ARPC2: variants seen among roughly 807,000 people sequenced by gnomAD.
The protein encoded by ARPC2 is actin related protein 2/3 complex subunit 2.
In ARPC2, 4 loss-of-function variants were observed where a neutral mutation model predicts 38.6. The ratio of observed to expected loss-of-function variants is 0.10; its 90% confidence interval spans 0.05 to 0.24. The LOEUF is 0.24. Among genes scored for constraint, ARPC2 ranks in the 10% least tolerant of loss-of-function variants. The pLI is 1.00. For synonymous variants in ARPC2, 125 were observed against 140.8 expected, an observed-to-expected ratio of 0.89 and a Z score of 0.79; for missense variants, 229 against 387.3, an observed-to-expected ratio of 0.59 and a Z score of 3.43.
chr2:218,249,283 T>TCGCC, intron 8 of ARPC2, 81 bp from the exon 9 acceptor site: 1 of 902,808 alleles, frequency 1.1e-6, no homozygotes, highest in Admixed American at 2.3e-5. Context: ...GAGGGAGTGA[T>TCGCC]GTTCACTAGG....
intron 7 of ARPC2, 133 bp from the exon 8 acceptor site, chr2:218,245,287 G>A (rs751174466): frequency 1.9e-5 from 21 of 1,100,298 alleles, no homozygotes; most frequent in Non-Finnish European, 2.8e-5. Context: ...CAGGTTTGGT[G>A]TAGTTTATTT....
At chr2:218,239,555 G>A (rs1689859116) in intron 7 of ARPC2, 71 bp downstream of exon 7, 3 of 1,261,760 alleles carry the variant, frequency 2.4e-6, no homozygotes, top group South Asian at 2.5e-5. Flanking sequence ...CATACCATGA[G>A]CGTAGGAAAG....
chr2:218,233,745 C>T (rs1343561879), intron 4 of ARPC2: 1 of 152,052 alleles, frequency 6.6e-6, no homozygotes, highest in African/African-American at 2.4e-5. Context: ...TCTGTTCTCT[C>T]ACTTGGAATT....
chr2:218,252,044 A>G (rs1268163122), intron 10 of ARPC2, among the ~76,000 whole-genome samples: 5 of 152,086 alleles, frequency 3.3e-5, no homozygotes, highest in Non-Finnish European at 5.9e-5. Flanking sequence ...ACCAACATGG[A>G]GAAACCCCAT....
At chr2:218,251,150 T>A (rs1412820708) in intron 10 of ARPC2, among the ~76,000 whole-genome samples, 2 of 152,142 alleles carry the variant, frequency 1.3e-5, no homozygotes, top group African/African-American at 2.4e-5. Context: ...TAAGCCTCCC[T>A]CACAGCCAGT....
rs895228160 is a variant in ARPC2 at position 218,234,738 on chromosome 2, C to T, written c.268+341C>T. 1.1e-5 allele frequency: 5 copies of T among 471,082 alleles called. No homozygotes were observed. In the East Asian group the frequency reaches 3.0e-4, roughly 28 times the overall value. 29.2% of individuals were successfully genotyped at this position (471,082 alleles called of 1,614,324 possible). ...AGAATGAGCAAACATTGATTCCCAC[C>T]CTCGGCCCTTAGTAATTCTGCATAC... is the stretch of plus-strand genomic sequence containing the variant. On this transcript the variant is annotated intron_variant, in intron 5 of 10. Transcript: ENST00000315717.
intron 3 of ARPC2, chr2:218,227,050 A>G (rs1559476409): frequency 2.2e-6 from 1 of 456,446 alleles, no homozygotes; most frequent in South Asian, 1.5e-5. Flanking sequence ...GTCCTCGACA[A>G]GATGATCTTG....
At chr2:218,240,265 T>C (rs555418585) in intron 7 of ARPC2, among the ~76,000 whole-genome samples, 118 of 152,318 alleles carry the variant, frequency 7.7e-4, no homozygotes, top group Non-Finnish European at 1.6e-3. Flanking sequence ...ATATTTTTTT[T>C]CTCAGTGGTT....
chr2:218,251,635 T>C (rs1048258816), intron 10 of ARPC2, among the ~76,000 whole-genome samples: 1 of 152,088 alleles, frequency 6.6e-6, no homozygotes, highest in Non-Finnish European at 1.5e-5. Flanking sequence ...TGTATTTTTG[T>C]AGAGACGGGA....
At chr2:218,238,293 AG>A (rs1396959812) in intron 5 of ARPC2, among the ~76,000 whole-genome samples, 1 of 152,212 alleles carries the variant, frequency 6.6e-6, no homozygotes, top group African/African-American at 2.4e-5. Context: ...TGTGTCTAGA[AG>A]GGTACATTTC....
intron 7 of ARPC2, among the ~76,000 whole-genome samples, chr2:218,240,133 T>C (rs1288132105): frequency 6.6e-6 from 1 of 151,704 alleles, no homozygotes; most frequent in African/African-American, 2.4e-5. Context: ...TTTTGTACTT[T>C]TAGTAGAGAT....
intron 7 of ARPC2, among the ~76,000 whole-genome samples, chr2:218,241,082 G>A (rs1460435623): frequency 6.6e-6 from 1 of 152,184 alleles, no homozygotes; most frequent in Non-Finnish European, 1.5e-5. Context: ...TCAAAATCTA[G>A]TACAATGGTA....
intron 10 of ARPC2, chr2:218,252,835 T>C: frequency 2.2e-6 from 1 of 453,556 alleles, no homozygotes; most frequent in South Asian, 1.6e-5. Context: ...GATAGCTCCC[T>C]GTCCTGGTGA....
At chr2:218,245,315 TG>T in intron 7 of ARPC2, 104 bp from the exon 8 acceptor site, 1 of 1,429,206 alleles carries the variant, frequency 7.0e-7, no homozygotes, top group Non-Finnish European at 9.6e-7. Context: ...CCTGCTGGTC[TG>T]GAGGGCTACA....
chr2:218,239,407 A>C lies in ARPC2; in HGVS notation c.472A>C (p.Lys158Gln), dbSNP rs142249772. ...DDETMYVESK[K>Q]DRVTVVFSTV... Reference sequence around the variant, plus strand: ...TCCTCTCAGGTATGTTGAGTCTAAAAAGGACAGAGTCACAGTAGTCTTCAG... The same window carrying C: ...TCCTCTCAGGTATGTTGAGTCTAAACAGGACAGAGTCACAGTAGTCTTCAG... Residue 158 changes from lysine (K) to glutamine (Q), a missense_variant, in exon 7 of 11, where the codon AAG becomes CAG. Physicochemically the swap from Lys to Gln is moderately conservative, Grantham distance 53. Transcript: ENST00000315717. 1 of 1,613,848 alleles carries C rather than the reference A, an allele frequency of 6.2e-7. No homozygotes were observed. Among genetic ancestry groups the C allele is most frequent in the African/African-American group, 1.3e-5 (1 of 74,930 alleles).
chr2:218,249,547 G>T, intron 9 of ARPC2, 83 bp downstream of exon 9: 1 of 1,090,318 alleles, frequency 9.2e-7, no homozygotes. Context: ...CATTCCATTA[G>T]TCTACGCTGT....
intron 8 of ARPC2, among the ~76,000 whole-genome samples, chr2:218,246,261 G>A (rs374290750): frequency 1.3e-5 from 2 of 150,598 alleles, no homozygotes; most frequent in African/African-American, 4.9e-5. Context: ...GGTGTCTCAC[G>A]CCTGTAATCC....
At position 218,228,822 on chromosome 2, in the gene ARPC2, A is replaced by G. The variant is rs1436639684; in HGVS notation, c.194A>G (p.Lys65Arg). The stretch of plus-strand genomic sequence containing the variant: ...GTCAGTATTTCTTTGAAATTCTACA[A>G]GGAACTTCAGGCACATGGTGCTGAT... Reference protein sequence around the residue: ...VMVSISLKFYKELQAHGADEL... With the variant: ...VMVSISLKFYRELQAHGADEL... Residue 65 changes from lysine (K) to arginine (R), a missense_variant, in exon 4 of 11, where the codon AAG becomes AGG. Transcript: ENST00000315717. 6.2e-7 allele frequency: 1 copy of G among 1,605,444 alleles called. No individual in the cohort carries two copies. The highest frequency in any genetic ancestry group is 8.5e-7 in the Non-Finnish European group (1 of 1,172,150).
At chr2:218,242,291 C>A (rs188015010) in intron 7 of ARPC2, among the ~76,000 whole-genome samples, 24 of 152,270 alleles carry the variant, frequency 1.6e-4, no homozygotes, top group Admixed American at 6.5e-4. Flanking sequence ...AGCAATAGGA[C>A]CAGTAATTAT....
Sources: allele counts gnomAD v4.1 joint callset (sites outside exome capture counted in the v4.1 genomes callset), GRCh38; gene constraint gnomAD v4.1.1; transcripts MANE v1.5; gene names NCBI Gene and HGNC (gene_info 2026-07-23, HGNC 2026-07-21).